Variants in SYCP2 observed in about 807,000 individuals in gnomAD.
The protein encoded by SYCP2 is synaptonemal complex lateral element protein.
A neutral mutation model predicts 211.3 loss-of-function variants in SYCP2; 55 were observed. The observed-to-expected ratio is 0.26, with a 90% CI of 0.21 to 0.33. SYCP2 has a LOEUF of 0.33. Ranked by LOEUF, SYCP2 falls within the 10% of genes least tolerant of loss-of-function variation. The pLI is 1.00. For synonymous variants in SYCP2, 570 were observed against 555.2 expected (o/e 1.03, Z -0.37); for missense variants, 1,731 against 1,752.0 (o/e 0.99, Z 0.21).
At chr20:59,917,900 G>C (rs1172229585) in intron 7 of SYCP2, among the ~76,000 whole-genome samples, 1 of 152,152 alleles carries the variant, frequency 6.6e-6, no homozygotes, top group Non-Finnish European at 1.5e-5. Flanking sequence ...GCAACTCACT[G>C]CCAGTTTTTG....
intron 1 of SYCP2, 51 bp downstream of exon 1, chr20:59,933,518 C>CT (rs1891485372): frequency 6.6e-6 from 1 of 152,212 alleles, no homozygotes; most frequent in African/African-American, 2.4e-5. Context: ...CCCACCCTCC[C>CT]TCCGCGCCCC....
In SYCP2 at chr20:59,879,856, T is replaced by C. The variant is rs1039821645; in HGVS notation, c.2941+447A>G. Among the ~76,000 whole-genome samples the C allele has an allele frequency of 8.3e-3, 948 of 114,306 alleles. 6 individuals carry two copies. The highest frequency in any genetic ancestry group is 0.031 in the African/African-American group (838 of 26,860). The allele number at this position is 114,306 out of a possible 152,430, so 75.0% of individuals were successfully genotyped here. On this transcript the variant is annotated intron_variant, in intron 31 of 44. Coordinates refer to ENST00000357552, the MANE Select transcript of SYCP2 (RefSeq NM_014258.4). ...ATATATATATATATATATATATATATATATATACACACACACACACACAAA... is the reference window on the plus strand; with the variant it reads ...ATATATATATATATATATATATATACATATATACACACACACACACACAAA...
intron 26 of SYCP2, among the ~76,000 whole-genome samples, chr20:59,884,537 TTG>T (rs1410503021): frequency 6.6e-6 from 1 of 152,074 alleles, no homozygotes; most frequent in Non-Finnish European, 1.5e-5. Context: ...TAATTTTATG[TTG>T]TGATTCATCT....
intron 7 of SYCP2, among the ~76,000 whole-genome samples, chr20:59,917,545 T>C (rs2060465936): frequency 6.6e-6 from 1 of 152,204 alleles, no homozygotes; most frequent in Admixed American, 6.5e-5. Flanking sequence ...TTTAGGATTT[T>C]TTCCCTAAAA....
At chr20:59,887,036 T>C (rs2059804030) in intron 24 of SYCP2, among the ~76,000 whole-genome samples, 1 of 152,150 alleles carries the variant, frequency 6.6e-6, no homozygotes, top group Non-Finnish European at 1.5e-5. Context: ...AGTTCTAGGG[T>C]ACATGTGTAC....
chr20:59,930,396 G>A (rs6128723), intron 2 of SYCP2, among the ~76,000 whole-genome samples: 4 of 152,140 alleles, frequency 2.6e-5, no homozygotes, highest in African/African-American at 7.2e-5. Flanking sequence ...CAAGTGCTTA[G>A]GTAAGAGAAA....
Position 59,873,918 on chromosome 20 carries a change from T to G in SYCP2, c.3493A>C (p.Asn1165His). Residue 1165 changes from asparagine to histidine, a missense_variant, in exon 35 of 45, where the codon AAT becomes CAT. Physicochemically the swap from Asn to His is moderately conservative, Grantham distance 68. Coordinates refer to ENST00000357552, the MANE Select transcript of SYCP2 (RefSeq NM_014258.4). ...VGGTIKSPKNNEKNFLCASES... is the reference protein window; with the variant it reads ...VGGTIKSPKNHEKNFLCASES... ...CTTGCACACAGGAAGTTTTTCTCAT[T>G]GTTTTTGGGTGACTTTATTGTACCT... 3 of 1,613,262 alleles carry G rather than the reference T, an allele frequency of 1.9e-6. No individual in the cohort carries two copies. The highest frequency in any genetic ancestry group is 2.5e-6 in the Non-Finnish European group (3 of 1,179,604).
intron 41 of SYCP2, 148 bp from the exon 42 acceptor site, chr20:59,866,013 A>C (rs1396314789): frequency 4.3e-6 from 2 of 467,694 alleles, no homozygotes; most frequent in Non-Finnish European, 7.4e-6. Context: ...CAGTATGGCT[A>C]TATGTTAAAA....
intron 7 of SYCP2, among the ~76,000 whole-genome samples, chr20:59,918,351 C>G (rs531831101): frequency 7.2e-5 from 11 of 152,318 alleles, no homozygotes; most frequent in Admixed American, 3.3e-4. Flanking sequence ...CAATGCTATG[C>G]TGCTTTATAC....
Position 59,892,326 on chromosome 20 carries a change from T to A in SYCP2, c.2028A>T (p.Gln676His). 1 of 1,609,006 alleles carries A rather than the reference T, an allele frequency of 6.2e-7. No individual in the cohort carries two copies. Among genetic ancestry groups the A allele is most frequent in the Non-Finnish European group, 8.5e-7 (1 of 1,177,098 alleles). The change falls in exon 24 of 45, where the codon CAA (glutamine) becomes CAT (histidine). Residue 676 changes from glutamine (Q) to histidine (H), a missense_variant. Physicochemically the swap from Gln to His is conservative, Grantham distance 24. Coordinates refer to ENST00000357552, the MANE Select transcript of SYCP2 (RefSeq NM_014258.4). ...GTGKVKYKKE[Q>H]TDHIKIDKAE... is the part of the protein sequence containing the mutation. ...CTTTATCTATTTTGATATGGTCGGT[T>A]TGTTCTTTCTTATATTTCACTTTTC...
intron 18 of SYCP2, among the ~76,000 whole-genome samples, chr20:59,898,699 TTAAA>T (rs1481110184): frequency 6.6e-6 from 1 of 151,978 alleles, no homozygotes; most frequent in Non-Finnish European, 1.5e-5. Flanking sequence ...ATCCCAGAAC[TTAAA>T]TAAAAGACTT....
intron 31 of SYCP2, among the ~76,000 whole-genome samples, chr20:59,879,313 ATCCT>A (rs781387463): frequency 0.012 from 1,802 of 151,986 alleles, 127 homozygotes; most frequent in Admixed American, 0.099. Context: ...ATATATGATA[ATCCT>A]GCTGCTTTAC....
intron 28 of SYCP2, 82 bp downstream of exon 28, chr20:59,881,863 A>G (rs2059690287): frequency 8.7e-7 from 1 of 1,145,962 alleles, no homozygotes; most frequent in African/African-American, 1.5e-5. Context: ...GATGCACATT[A>G]AAAACATTCT....
intron 35 of SYCP2, among the ~76,000 whole-genome samples, chr20:59,870,443 CTTTT>C (rs35684647): frequency 2.6e-5 from 4 of 151,194 alleles, no homozygotes; most frequent in Non-Finnish European, 4.4e-5. Context: ...TAAAAAAAGT[CTTTT>C]TTTTAATACA....
intron 6 of SYCP2, 46 bp from the exon 7 acceptor site, chr20:59,919,228 A>G (rs1382333340): frequency 1.1e-6 from 1 of 930,168 alleles, no homozygotes; most frequent in Non-Finnish European, 1.7e-6. Context: ...ACTATATATT[A>G]CAAACCATTA....
chr20:59,900,383 T>A (rs1473756338), intron 17 of SYCP2, 99 bp from the exon 18 acceptor site: 1 of 1,031,088 alleles, frequency 9.7e-7, no homozygotes, highest in African/African-American at 1.6e-5. Flanking sequence ...TCTCACATAT[T>A]CAATTATTTC....
Position 59,892,425 on chromosome 20 carries a change from A to G in SYCP2, c.1929T>C (p.Asp643=). The G allele has an allele frequency of 2.7e-6, 4 of 1,492,048 alleles. No individual in the cohort carries two copies. The highest frequency in any genetic ancestry group is 3.6e-6 in the Non-Finnish European group (4 of 1,102,972). The allele number at this position is 1,492,048 out of a possible 1,614,324, so 92.4% of individuals were successfully genotyped here. ...STSSGDTLNQ[D]IVINKKLTKQ... is the part of the protein sequence containing the mutation. ...TAGTAAGTTTTTTATTTATAACAATATCTATTGGGGAAAATGAGAAATTAA... is the reference window on the plus strand; with the variant it reads ...TAGTAAGTTTTTTATTTATAACAATGTCTATTGGGGAAAATGAGAAATTAA... The change falls in exon 24 of 45, where the codon GAT becomes GAC. Residue 643 remains aspartate (D), a splice_region_variant and synonymous_variant. Transcript: ENST00000357552.
In SYCP2 at chr20:59,877,847, T is replaced by C. The variant is rs78317800; in HGVS notation, c.2979+161A>G. 6.5e-3 allele frequency among the ~76,000 whole-genome samples: 981 copies of C among 152,030 alleles called. 15 individuals are homozygous for C. Among genetic ancestry groups the C allele is most frequent in the African/African-American group, 0.022 (918 of 41,490 alleles). ...AGAATAAAATGGAGTCAAAGGCCAG[T>C]ATGATTTAAAAAGAAACAGGAGAAA... On this transcript the variant is annotated intron_variant, in intron 32 of 44. Coordinates refer to ENST00000357552, the MANE Select transcript of SYCP2 (RefSeq NM_014258.4).
At chr20:59,901,847 T>C (rs779016160) in intron 15 of SYCP2, 37 bp from the exon 16 acceptor site, 2 of 1,490,648 alleles carry the variant, frequency 1.3e-6, no homozygotes, top group Admixed American at 4.4e-5. Flanking sequence ...TACGTTTCTA[T>C]GATACTACTC....
Sources: gnomAD v4.1 joint callset for allele counts (sites outside exome capture counted in the v4.1 genomes callset) on GRCh38, gnomAD v4.1.1 for gene constraint, MANE v1.5 for transcripts, NCBI Gene and HGNC (gene_info 2026-07-23, HGNC 2026-07-21) for gene names.